CREG2: variants seen among roughly 807,000 people sequenced by gnomAD.
The protein encoded by CREG2 is protein CREG2.
A neutral mutation model predicts 26.2 loss-of-function variants in CREG2; 24 were observed. That is an observed-to-expected ratio of 0.92 (90% CI 0.66 to 1.29). CREG2 has a LOEUF of 1.29. Among genes scored for constraint, CREG2 ranks in the 50% most tolerant of loss-of-function variants. The pLI, the probability that CREG2 is intolerant of heterozygous loss-of-function variation, is 0.00. For synonymous variants in CREG2, 174 were observed against 169.2 expected (o/e 1.03, Z -0.22); for missense variants, 366 against 398.6 (o/e 0.92, Z 0.70).
At chr2:101,364,401 T>G (rs1029609958) in intron 2 of CREG2, among the ~76,000 whole-genome samples, 1 of 152,096 alleles carries the variant, frequency 6.6e-6, no homozygotes, top group Admixed American at 6.5e-5. Flanking sequence ...ACCAAAAAGG[T>G]CTCCAGACAT....
intron 1 of CREG2, among the ~76,000 whole-genome samples, chr2:101,384,481 C>T (rs1208335243): frequency 6.6e-6 from 1 of 152,086 alleles, no homozygotes; most frequent in African/African-American, 2.4e-5. Flanking sequence ...GGGTTTGGGT[C>T]ATGGGGGTGG....
Position 101,372,017 on chromosome 2 carries a change from C to CCGGGT in CREG2, c.611+11515_611+11516insACCCG, listed in dbSNP as rs1423834161. 3.7e-3 allele frequency among the ~76,000 whole-genome samples: 566 copies of CCGGGT among 152,152 alleles called. 3 individuals are homozygous for CCGGGT. Among genetic ancestry groups the CCGGGT allele is most frequent in the African/African-American group, 0.012 (491 of 41,518 alleles). On this transcript the variant is annotated intron_variant, in intron 2 of 3. Coordinates refer to ENST00000324768, the MANE Select transcript of CREG2 (RefSeq NM_153836.4). ...GAGCTTAGTGTCTTATTTTTGAAGG[C>CCGGGT]CAGGTCAGGTTGGGCAGGAGCTGGA...
chr2:101,386,963 C>A, intron 1 of CREG2, 54 bp downstream of exon 1: 2 of 1,229,806 alleles, frequency 1.6e-6, no homozygotes, highest in Non-Finnish European at 1.0e-6. Context: ...TGTCCCCGTC[C>A]CCCGGCCGCC....
intron 2 of CREG2, among the ~76,000 whole-genome samples, chr2:101,370,899 G>A (rs936499352): frequency 6.6e-6 from 1 of 152,128 alleles, no homozygotes; most frequent in Non-Finnish European, 1.5e-5. Context: ...TGATCCTCTG[G>A]GACTGAAACG....
At chr2:101,357,976 CAA>C (rs70943078) in intron 2 of CREG2, among the ~76,000 whole-genome samples, 108 of 121,736 alleles carry the variant, frequency 8.9e-4, no homozygotes, top group South Asian at 8.3e-4. Context: ...GACTCCGTCT[CAA>C]AAAAAAAAAA....
At chr2:101,354,376 T>G (rs1684424051) in intron 3 of CREG2, among the ~76,000 whole-genome samples, 1 of 152,226 alleles carries the variant, frequency 6.6e-6, no homozygotes, top group Non-Finnish European at 1.5e-5. Context: ...TCCCAATCAT[T>G]CTAGTTTTCT....
chr2:101,358,009 A>G (rs146402632), intron 2 of CREG2, among the ~76,000 whole-genome samples: 2,773 of 148,098 alleles, frequency 0.019, 31 homozygotes, highest in Non-Finnish European at 0.029. Flanking sequence ...GCTACCTGTC[A>G]TCTGGTCAGA....
rs1684913717 is a variant in CREG2 at position 101,383,546 on chromosome 2, C to T, written c.598G>A (p.Gly200Arg). Residue 200 changes from glycine to arginine, a missense_variant, in exon 2 of 4, where the codon GGG becomes AGG. Physicochemically the swap from Gly to Arg is moderately radical, Grantham distance 125. This residue lies in a region of CREG2 where 174 missense variants were observed against 178.2 expected (regional missense o/e 0.98). Transcript: ENST00000324768. ...MASLMLPESE[G>R]EFCRKNIVDP... ...ACCGTCGTCTACCTGCAGAACTCCCCTTCTGATTCTGGCAGCATCAGCGAG... is the reference window on the plus strand; with the variant it reads ...ACCGTCGTCTACCTGCAGAACTCCCTTTCTGATTCTGGCAGCATCAGCGAG... The T allele has an allele frequency of 6.2e-7, 1 of 1,613,890 alleles. No individual in the cohort carries two copies. Among genetic ancestry groups the T allele is most frequent in the East Asian group, 2.2e-5 (1 of 44,900 alleles).
At position 101,387,107 on chromosome 2, in the gene CREG2, G is replaced by T. The variant is rs1684982937; in HGVS notation, c.351C>A (p.Pro117=). 3 of 1,243,460 alleles carry T rather than the reference G, an allele frequency of 2.4e-6. No homozygotes were observed. The highest frequency in any genetic ancestry group is 3.0e-6 in the Non-Finnish European group (3 of 995,394). 77.0% of individuals were successfully genotyped at this position (1,243,460 alleles called of 1,614,324 possible). A position where few individuals can be genotyped will look rare whatever the true frequency, so the allele number is the denominator to read the frequency against. ...RREGGQTASA[P]PGPRLRAATA... ...TGGCGGCGCGCAGTCTAGGGCCCGG[G>T]GGCGCACTGGCCGTCTGGCCGCCCT... The change falls in exon 1 of 4, where the codon CCC becomes CCA. Residue 117 remains proline, a synonymous_variant. Coordinates refer to ENST00000324768, the MANE Select transcript of CREG2 (RefSeq NM_153836.4). The surrounding 1 kb of genome is among the most constrained non-coding windows in gnomAD (Gnocchi z 4.7).
chr2:101,381,854 C>A (rs192344104), intron 2 of CREG2, among the ~76,000 whole-genome samples: 1 of 152,144 alleles, frequency 6.6e-6, no homozygotes, highest in African/African-American at 2.4e-5. Flanking sequence ...GGTCCGCATA[C>A]GTGGCTCTAG....
chr2:101,374,584 C>T (rs1489894380), intron 2 of CREG2, among the ~76,000 whole-genome samples: 2 of 152,208 alleles, frequency 1.3e-5, no homozygotes, highest in Admixed American at 6.5e-5. Context: ...CTTTGAAATG[C>T]ACATTCTGTC....
chr2:101,382,817 G>C, intron 2 of CREG2: 2 of 985,458 alleles, frequency 2.0e-6, no homozygotes, highest in Non-Finnish European at 2.4e-6. Flanking sequence ...CTAAGGTCCT[G>C]GAGGTTAAAG....
intron 1 of CREG2, among the ~76,000 whole-genome samples, chr2:101,385,365 G>A (rs1684951525): frequency 6.6e-6 from 1 of 151,996 alleles, no homozygotes; most frequent in African/African-American, 2.4e-5. Context: ...ATTTTTAGTA[G>A]AGACAGGGTT....
chr2:101,355,620 C>T (rs902160825), intron 2 of CREG2, among the ~76,000 whole-genome samples: 1 of 151,814 alleles, frequency 6.6e-6, no homozygotes, highest in African/African-American at 2.4e-5. Context: ...TCTGAAGCGC[C>T]CTAGGCAAAA....
At position 101,358,149 on chromosome 2, in the gene CREG2, G is replaced by A. The variant is rs139772791; in HGVS notation, c.612-2783C>T. On this transcript the variant is annotated intron_variant, in intron 2 of 3. Coordinates refer to ENST00000324768, the MANE Select transcript of CREG2 (RefSeq NM_153836.4). ...TGGGATTACAGGCTCACACCACCATGCCTGGCTAAGTTTTGTATTTTTAAT... is the reference window on the plus strand; with the variant it reads ...TGGGATTACAGGCTCACACCACCATACCTGGCTAAGTTTTGTATTTTTAAT... Among the ~76,000 whole-genome samples, 947 of 152,184 alleles carry A rather than the reference G, an allele frequency of 6.2e-3. 4 individuals carry two copies. Among genetic ancestry groups the A allele is most frequent in the Non-Finnish European group, 9.6e-3 (655 of 68,008 alleles).
Position 101,386,888 on chromosome 2 carries a change from A to G in CREG2, c.441+129T>C. On this transcript the variant is annotated intron_variant, in intron 1 of 3. Transcript: ENST00000324768. ...CATTATGTACAGTGTCGAGGGTCCC[A>G]TCCAGGGCACCGGGCACGTCTGGTG... is the stretch of plus-strand genomic sequence containing the variant. 4 of 987,102 alleles carry G rather than the reference A, an allele frequency of 4.1e-6. No individual in the cohort carries two copies. In the East Asian group the frequency reaches 1.3e-4, roughly 33 times the overall value. The allele number at this position is 987,102 out of a possible 1,614,324, so 61.1% of individuals were successfully genotyped here.
chr2:101,369,899 G>T (rs3923053), intron 2 of CREG2, among the ~76,000 whole-genome samples: 5 of 151,988 alleles, frequency 3.3e-5, no homozygotes, highest in African/African-American at 1.2e-4. Context: ...CATGATATTC[G>T]AACAATTCAA....
Position 101,369,879 on chromosome 2 carries a change from C to T in CREG2, c.611+13654G>A, listed in dbSNP as rs549353590. Among the ~76,000 whole-genome samples the T allele has an allele frequency of 3.3e-5, 5 of 152,298 alleles. No homozygotes were observed. In the South Asian group the frequency reaches 1.0e-3, roughly 32 times the overall value. On this transcript the variant is annotated intron_variant, in intron 2 of 3. Coordinates refer to ENST00000324768, the MANE Select transcript of CREG2 (RefSeq NM_153836.4). ...GTCTTGCCTCTGTTGCAGTGCAAGC[C>T]TATGATGGACATGATATTCGAACAA...
At position 101,383,647 on chromosome 2, in the gene CREG2, T is replaced by C. The variant is rs1684917627; in HGVS notation, c.497A>G (p.Asn166Ser). ...CLPVSDGPFN[N>S]STGIPFFYMT... ...GTAGAAGAAAGGAATCCCAGTGCTATTGTTGAAGGGGCCATCACTGACGGG... is the reference window on the plus strand; with the variant it reads ...GTAGAAGAAAGGAATCCCAGTGCTACTGTTGAAGGGGCCATCACTGACGGG... The change falls in exon 2 of 4, where the codon AAT (asparagine) becomes AGT (serine). Residue 166 changes from asparagine (N) to serine (S), a missense_variant. Coordinates refer to ENST00000324768, the MANE Select transcript of CREG2 (RefSeq NM_153836.4). 6.2e-7 allele frequency: 1 copy of C among 1,613,920 alleles called. No homozygotes were observed.
Sources: allele counts gnomAD v4.1 joint callset (sites outside exome capture counted in the v4.1 genomes callset), GRCh38; gene constraint gnomAD v4.1.1; regional missense constraint gnomAD v4.1.1; non-coding constraint Gnocchi (gnomAD v3.1); transcripts MANE v1.5; gene names NCBI Gene and HGNC (gene_info 2026-07-23, HGNC 2026-07-21).